The following TNIK variants were observed in gnomAD, a reference collection of about 807,000 sequenced individuals.
TNIK encodes TRAF2 and NCK interacting kinase.
In TNIK, 49 loss-of-function variants were observed where a neutral mutation model predicts 191.3. That is an observed-to-expected ratio of 0.26 (90% CI 0.20 to 0.32). The LOEUF (loss-of-function observed/expected upper bound fraction) is 0.32, where lower values mean the gene tolerates loss of function less well. Among genes scored for constraint, TNIK ranks in the 10% least tolerant of loss-of-function variants. The pLI, the probability that TNIK is intolerant of heterozygous loss-of-function variation, is 1.00. For missense variants in TNIK, 1,155 were observed against 1,702.3 expected (o/e 0.68, Z 5.66); for synonymous variants, 594 against 600.9 (o/e 0.99, Z 0.17).
At chr3:171,154,575 C>G (rs1323793695) in intron 12 of TNIK, among the ~76,000 whole-genome samples, 2 of 152,164 alleles carry the variant, frequency 1.3e-5, no homozygotes, top group African/African-American at 4.8e-5. Context: ...TCAAACATCA[C>G]CACAAACTTG....
At chr3:171,139,888 A>T (rs1315714996) in intron 13 of TNIK, among the ~76,000 whole-genome samples, 1 of 152,220 alleles carries the variant, frequency 6.6e-6, no homozygotes, top group Non-Finnish European at 1.5e-5. Context: ...TAACAATGCT[A>T]TAAAGTTCAG....
At position 171,085,216 on chromosome 3, in the gene TNIK, C is replaced by T; in HGVS notation, c.2900G>A (p.Ser967Asn). The change falls in exon 25 of 33, where the codon AGC (serine) becomes AAC (asparagine). Residue 967 changes from serine (S) to asparagine (N), a missense_variant. Physicochemically the swap from Ser to Asn is conservative, Grantham distance 46. Coordinates refer to ENST00000436636, the MANE Select transcript of TNIK (RefSeq NM_015028.4). ...MDSGTEYGMG[S>N]STKASFTPFV... ...GGGGGTGAAGGAGGCTTTGGTGCTG[C>T]TCCCCATGCCATACTAATCAATAAG... 2 of 1,609,026 alleles carry T rather than the reference C, an allele frequency of 1.2e-6. No individual in the cohort carries two copies. Among genetic ancestry groups the T allele is most frequent in the Non-Finnish European group, 1.7e-6 (2 of 1,177,694 alleles).
At chr3:171,124,477 A>G (rs527927611) in intron 17 of TNIK, among the ~76,000 whole-genome samples, 1 of 152,362 alleles carries the variant, frequency 6.6e-6, no homozygotes, top group East Asian at 1.9e-4. Flanking sequence ...CCCAATTTAT[A>G]AAACAGACAT....
At chr3:171,459,309 C>G (rs955583964) in intron 1 of TNIK, among the ~76,000 whole-genome samples, 6 of 152,024 alleles carry the variant, frequency 3.9e-5, no homozygotes, top group African/African-American at 7.2e-5. Context: ...CTTTCACCTG[C>G]TTAAGTTCAG....
intron 2 of TNIK, among the ~76,000 whole-genome samples, chr3:171,365,161 CTTTTTTTTTTTTTTTTTTTTTTT>C (rs60887361): frequency 4.4e-4 from 14 of 31,916 alleles, no homozygotes; most frequent in African/African-American, 1.3e-3. Context: ...GGACTACATT[CTTTTTTTTTTTTTTTTTTTTTTT>C]TTTTTTTTTT....
intron 1 of TNIK, among the ~76,000 whole-genome samples, chr3:171,457,098 C>G (rs1284683278): frequency 6.6e-6 from 1 of 152,188 alleles, no homozygotes; most frequent in Non-Finnish European, 1.5e-5. Context: ...TATCTCTGAG[C>G]TCTAAAAATC....
intron 18 of TNIK, among the ~76,000 whole-genome samples, chr3:171,118,756 A>T (rs1727169857): frequency 6.6e-6 from 1 of 152,218 alleles, no homozygotes; most frequent in African/African-American, 2.4e-5. Flanking sequence ...CTGAAACTGG[A>T]TCCCTTCCTT....
In TNIK at chr3:171,332,874, G is replaced by A. The variant is rs1438466996; in HGVS notation, c.123+36746C>T. Among the ~76,000 whole-genome samples, 5 of 152,176 alleles carry A rather than the reference G, an allele frequency of 3.3e-5. No homozygotes were observed. The South Asian group carries it at 6.2e-4, about 19-fold the overall frequency. On this transcript the variant is annotated intron_variant, in intron 2 of 32. Coordinates refer to ENST00000436636, the MANE Select transcript of TNIK (RefSeq NM_015028.4). ...TGGGTATTATCTATACTAAAACTGG[G>A]AAAACCTCAGCTGACCCTATAAGTT...
intron 21 of TNIK, 165 bp from the exon 22 acceptor site, chr3:171,101,798 G>T: frequency 3.1e-6 from 2 of 651,588 alleles, no homozygotes; most frequent in Non-Finnish European, 5.0e-6. Context: ...TGTTTGTAGC[G>T]TGTAGAAGCT....
chr3:171,350,952 CAT>C (rs1256044504), intron 2 of TNIK, among the ~76,000 whole-genome samples: 1 of 152,080 alleles, frequency 6.6e-6, no homozygotes, highest in Non-Finnish European at 1.5e-5. Flanking sequence ...TAATCTGTCT[CAT>C]ATATTCTTTT....
intron 1 of TNIK, among the ~76,000 whole-genome samples, chr3:171,430,647 C>CAAAAAAAAAAAA (rs34307433): frequency 4.4e-5 from 5 of 113,972 alleles, no homozygotes; most frequent in East Asian, 3.9e-4. Context: ...AAAAAACAGA[C>CAAAAAAAAAAAA]AAAAAAAAAA....
In TNIK at chr3:171,058,681, T is replaced by C. The variant is rs1717566427; in HGVS notation, c.*5200A>G. On this transcript the variant is annotated 3_prime_UTR_variant, in exon 33 of 33. Coordinates refer to ENST00000436636, the MANE Select transcript of TNIK (RefSeq NM_015028.4). Reference sequence around the variant, plus strand: ...TCCAGTTTTAGCAAATGTTTGACAATTTAAAATACTTTTGAAAACTGGAGA... The same window carrying C: ...TCCAGTTTTAGCAAATGTTTGACAACTTAAAATACTTTTGAAAACTGGAGA... 6.6e-6 allele frequency among the ~76,000 whole-genome samples: 1 copy of C among 152,202 alleles called. No homozygotes were observed. The highest frequency in any genetic ancestry group is 1.5e-5 in the Non-Finnish European group (1 of 68,032).
chr3:171,290,104 G>T (rs1240774409), intron 2 of TNIK, among the ~76,000 whole-genome samples: 2 of 152,106 alleles, frequency 1.3e-5, no homozygotes, highest in Non-Finnish European at 2.9e-5. Context: ...AGTAGAAGAG[G>T]ATGGGAAAAA....
intron 1 of TNIK, among the ~76,000 whole-genome samples, chr3:171,411,004 T>C (rs1323651897): frequency 1.3e-5 from 2 of 151,942 alleles, no homozygotes; most frequent in Admixed American, 6.6e-5. Context: ...AATGGCAGAA[T>C]GAGCCCCAGT....
At chr3:171,192,060 C>T (rs1369707293) in intron 5 of TNIK, among the ~76,000 whole-genome samples, 1 of 152,132 alleles carries the variant, frequency 6.6e-6, no homozygotes, top group Non-Finnish European at 1.5e-5. Flanking sequence ...TCTGAATTCT[C>T]TTGTCAAAGA....
chr3:171,157,386 G>GC (rs1733335113), intron 12 of TNIK, 74 bp downstream of exon 12: 1 of 1,506,168 alleles, frequency 6.6e-7, no homozygotes, highest in African/African-American at 1.4e-5. Flanking sequence ...TGGGATGTGG[G>GC]CCCCCAGGGA....
At chr3:171,387,781 A>C (rs1200666413) in intron 1 of TNIK, among the ~76,000 whole-genome samples, 1 of 152,184 alleles carries the variant, frequency 6.6e-6, no homozygotes, top group African/African-American at 2.4e-5. Flanking sequence ...ACTAGGAGTG[A>C]GGCATATGAA....
At chr3:171,068,119 A>C (rs1718706783) in intron 30 of TNIK, among the ~76,000 whole-genome samples, 1 of 152,206 alleles carries the variant, frequency 6.6e-6, no homozygotes, top group Admixed American at 6.5e-5. Context: ...AATCCTAATA[A>C]GTGAATCCAT....
chr3:171,106,815 T>C (rs566291031), intron 21 of TNIK: 14 of 523,936 alleles, frequency 2.7e-5, no homozygotes, highest in African/African-American at 1.9e-4. Flanking sequence ...CCTAGAATGA[T>C]GTCTCTTTTC....
Sources: allele counts gnomAD v4.1 joint callset (sites outside exome capture counted in the v4.1 genomes callset), GRCh38; gene constraint gnomAD v4.1.1; transcripts MANE v1.5; gene names NCBI Gene and HGNC (gene_info 2026-07-23, HGNC 2026-07-21).